The following DPP10 variants were observed in gnomAD, a reference collection of about 807,000 sequenced individuals.
The protein encoded by DPP10 is dipeptidyl peptidase like 10.
A neutral mutation model predicts 120.9 loss-of-function variants in DPP10; 33 were observed. The ratio of observed to expected loss-of-function variants is 0.27; its 90% confidence interval spans 0.21 to 0.37. DPP10 has a LOEUF of 0.37. DPP10 is among the 10% of genes least tolerant of loss of function. The probability of loss-of-function intolerance (pLI) is 1.00; values close to 1 mark genes in which losing one functional copy is unlikely to be tolerated. For synonymous variants in DPP10, 337 were observed against 326.1 expected (o/e 1.03, Z -0.36); for missense variants, 816 against 942.8 (o/e 0.87, Z 1.76).
chr2:114,651,791 GT>G (rs1292582432), intron 1 of DPP10, among the ~76,000 whole-genome samples: 3 of 152,128 alleles, frequency 2.0e-5, no homozygotes, highest in Non-Finnish European at 4.4e-5. Flanking sequence ...GAAAATCACT[GT>G]TCATACAAAT....
At chr2:115,277,447 C>CTTTT (rs70941038) in intron 1 of DPP10, among the ~76,000 whole-genome samples, 31 of 49,772 alleles carry the variant, frequency 6.2e-4, no homozygotes, top group African/African-American at 1.4e-3. Context: ...CTGCCAGGGC[C>CTTTT]TTTTTTTTTT....
intron 3 of DPP10, among the ~76,000 whole-genome samples, chr2:115,472,566 C>T (rs892530029): frequency 1.3e-5 from 2 of 152,118 alleles, no homozygotes; most frequent in African/African-American, 4.8e-5. Context: ...CATTCTAGAA[C>T]ACATGTGCCT....
At chr2:115,364,370 T>C (rs2106366884) in intron 3 of DPP10, among the ~76,000 whole-genome samples, 1 of 152,154 alleles carries the variant, frequency 6.6e-6, no homozygotes, top group South Asian at 2.1e-4. Context: ...TGCCAGCATA[T>C]TACCTCACCA....
At chr2:115,451,044 T>C (rs2073068384) in intron 3 of DPP10, among the ~76,000 whole-genome samples, 1 of 151,874 alleles carries the variant, frequency 6.6e-6, no homozygotes, top group African/African-American at 2.4e-5. Context: ...ATTACAAACC[T>C]TCTAAATGGA....
chr2:115,421,880 A>G (rs1377683192), intron 3 of DPP10, among the ~76,000 whole-genome samples: 1 of 150,302 alleles, frequency 6.7e-6, no homozygotes, highest in African/African-American at 2.4e-5. Context: ...AAAAAAAAAA[A>G]AAAAAAAAAA....
chr2:115,303,742 AT>A (rs2061245172), intron 1 of DPP10, among the ~76,000 whole-genome samples: 1 of 151,980 alleles, frequency 6.6e-6, no homozygotes, highest in East Asian at 1.9e-4. Context: ...TCTTATTTTA[AT>A]TTGTATTCCC....
At chr2:115,466,902 G>A (rs2074361953) in intron 3 of DPP10, among the ~76,000 whole-genome samples, 1 of 152,048 alleles carries the variant, frequency 6.6e-6, no homozygotes, top group South Asian at 2.1e-4. Flanking sequence ...AAACCACCTG[G>A]CACCTGGTAG....
At chr2:115,753,111 A>G (rs1678958310) in intron 10 of DPP10, 63 bp from the exon 11 acceptor site, 2 of 1,472,724 alleles carry the variant, frequency 1.4e-6, no homozygotes, top group Admixed American at 2.0e-5. Context: ...GCAAATGTAT[A>G]TTGTTGGTAC....
chr2:114,921,282 T>A (rs899536267), intron 1 of DPP10, among the ~76,000 whole-genome samples: 1 of 152,210 alleles, frequency 6.6e-6, no homozygotes, highest in Non-Finnish European at 1.5e-5. Flanking sequence ...TTGTCGGTGC[T>A]GTAAACTCAC....
At chr2:115,823,519 G>A (rs913973914) in intron 21 of DPP10, among the ~76,000 whole-genome samples, 15 of 152,136 alleles carry the variant, frequency 9.9e-5, no homozygotes, top group South Asian at 4.1e-4. Flanking sequence ...GCATTAGAAC[G>A]AAAGGTCAAA....
intron 5 of DPP10, among the ~76,000 whole-genome samples, chr2:115,644,747 C>G (rs1348999074): frequency 9.9e-5 from 15 of 152,048 alleles, no homozygotes; most frequent in African/African-American, 3.6e-4. Context: ...TGAGCCACTG[C>G]ACTCCAGCCA....
At chr2:114,581,404 C>T (rs1316593175) in intron 1 of DPP10, among the ~76,000 whole-genome samples, 1 of 151,884 alleles carries the variant, frequency 6.6e-6, no homozygotes, top group African/African-American at 2.4e-5. Context: ...AGGATGGTCT[C>T]GACCTCCTGA....
intron 1 of DPP10, among the ~76,000 whole-genome samples, chr2:114,987,896 C>A (rs937454036): frequency 1.3e-5 from 2 of 149,722 alleles, no homozygotes; most frequent in Non-Finnish European, 3.0e-5. Flanking sequence ...CTCCGCCTCC[C>A]GGGTTCACAC....
intron 1 of DPP10, among the ~76,000 whole-genome samples, chr2:114,743,301 C>T (rs1362535259): frequency 1.3e-5 from 2 of 151,846 alleles, no homozygotes; most frequent in African/African-American, 2.4e-5. Context: ...CAACTGTCTT[C>T]GGGAAGAAGG....
chr2:114,756,329 C>T (rs1163106138), intron 1 of DPP10, among the ~76,000 whole-genome samples: 1 of 152,138 alleles, frequency 6.6e-6, no homozygotes, highest in Non-Finnish European at 1.5e-5. Flanking sequence ...TCTGCAACAT[C>T]AGGCAGGAAT....
At chr2:114,646,964 G>A (rs1263973685) in intron 1 of DPP10, among the ~76,000 whole-genome samples, 1 of 152,122 alleles carries the variant, frequency 6.6e-6, no homozygotes, top group African/African-American at 2.4e-5. Context: ...ATCAGAGGAG[G>A]GCCTTGACTA....
At chr2:114,491,214 G>C (rs567045295) in intron 1 of DPP10, among the ~76,000 whole-genome samples, 3 of 152,164 alleles carry the variant, frequency 2.0e-5, no homozygotes, top group Admixed American at 2.0e-4. Context: ...GAAAATTTTA[G>C]AAAGTCCAAA....
At chr2:115,126,706 G>C (rs1196234505) in intron 1 of DPP10, among the ~76,000 whole-genome samples, 2 of 152,084 alleles carry the variant, frequency 1.3e-5, no homozygotes, top group African/African-American at 4.8e-5. Context: ...GAGTGTCACA[G>C]ACATTTATAT....
At chr2:114,524,551 T>C (rs1439375795) in intron 1 of DPP10, among the ~76,000 whole-genome samples, 1 of 152,202 alleles carries the variant, frequency 6.6e-6, no homozygotes, top group Non-Finnish European at 1.5e-5. Flanking sequence ...AAGAAAAAGA[T>C]GTATATATCA....
Sources: gnomAD v4.1 joint callset for allele counts (sites outside exome capture counted in the v4.1 genomes callset) on GRCh38, gnomAD v4.1.1 for gene constraint, MANE v1.5 for transcripts, NCBI Gene and HGNC (gene_info 2026-07-23, HGNC 2026-07-21) for gene names.